The following NF1 variants were observed in gnomAD, a reference collection of about 807,000 sequenced individuals.
NF1 encodes neurofibromin 1, also known as neurofibromin.
Under a neutral mutation model 325.7 loss-of-function variants are expected in NF1, and 122 were observed. The observed-to-expected ratio is 0.37, with a 90% CI of 0.32 to 0.44. The LOEUF (loss-of-function observed/expected upper bound fraction) is 0.44, where lower values mean the gene tolerates loss of function less well. Ranked by LOEUF, NF1 falls within the 20% of genes least tolerant of loss-of-function variation. NF1 has a pLI of 1.00. For missense variants in NF1, 2,140 were observed against 3,415.4 expected (o/e 0.63, Z 9.31); for synonymous variants, 1,091 against 1,186.0 (o/e 0.92, Z 1.65).
chr17:31,342,993 T>C lies in NF1; in HGVS notation c.7063-16T>C, dbSNP rs1465170010. ...TGTGTGAACCTCATCAACCATCTCA[T>C]GATTATCTTTAATAGAGTCCAGAGG... On this transcript the variant is annotated splice_polypyrimidine_tract_variant and intron_variant, in intron 47 of 57. Transcript: ENST00000358273. 1 of 1,614,018 alleles carries C rather than the reference T, an allele frequency of 6.2e-7. No homozygotes were observed. Among genetic ancestry groups the C allele is most frequent in the Middle Eastern group, 1.7e-4 (1 of 6,060 alleles).
intron 1 of NF1, among the ~76,000 whole-genome samples, chr17:31,120,224 A>G (rs1244863782): frequency 3.3e-5 from 5 of 152,168 alleles, no homozygotes. Flanking sequence ...CATGATATCG[A>G]TTCTTCCTAT....
intron 32 of NF1, 49 bp downstream of exon 32, chr17:31,258,551 A>G (rs2151462376): frequency 1.3e-6 from 2 of 1,591,420 alleles, no homozygotes; most frequent in Non-Finnish European, 1.7e-6. Flanking sequence ...TTCCAACTAA[A>G]TTTTCAGCTT....
At chr17:31,256,447 G>T (rs938117324) in intron 31 of NF1, among the ~76,000 whole-genome samples, 26 of 152,124 alleles carry the variant, frequency 1.7e-4, no homozygotes, top group African/African-American at 6.3e-4. Flanking sequence ...CCAGAGAATT[G>T]TCTAAGATTA....
chr17:31,249,520 T>C (rs2067458387), intron 30 of NF1, among the ~76,000 whole-genome samples: 1 of 152,226 alleles, frequency 6.6e-6, no homozygotes, highest in African/African-American at 2.4e-5. Flanking sequence ...TGCTTGATCA[T>C]CTGTGATTTT....
At chr17:31,367,739 C>T (rs967685542) in intron 57 of NF1, among the ~76,000 whole-genome samples, 3 of 152,140 alleles carry the variant, frequency 2.0e-5, no homozygotes, top group African/African-American at 7.2e-5. Flanking sequence ...CGATGGCTCA[C>T]GCCTATAATC....
intron 15 of NF1, chr17:31,222,481 C>T: frequency 9.7e-7 from 1 of 1,030,050 alleles, no homozygotes; most frequent in Non-Finnish European, 1.2e-6. Flanking sequence ...ATGTGTAAAC[C>T]TCAAGTTTGC....
intron 1 of NF1, among the ~76,000 whole-genome samples, chr17:31,139,681 C>T (rs574179968): frequency 6.6e-6 from 1 of 151,970 alleles, no homozygotes; most frequent in Non-Finnish European, 1.5e-5. Context: ...GAAAATATTG[C>T]GTGGTTGGTT....
At position 31,146,607 on chromosome 17, in the gene NF1, T is replaced by C. The variant is rs73273516; in HGVS notation, c.61-9376T>C. Among the ~76,000 whole-genome samples, 1,191 of 152,346 alleles carry C rather than the reference T, an allele frequency of 7.8e-3. 21 individuals are homozygous for C. The highest frequency in any genetic ancestry group is 0.027 in the African/African-American group (1,141 of 41,586). On this transcript the variant is annotated intron_variant, in intron 1 of 57. Coordinates refer to ENST00000358273, the MANE Select transcript of NF1 (RefSeq NM_001042492.3). ...GGTTCTCTGGCTTTCAAACTTAGTTTTCAATTGGAAGTTAATCAGCTTTTT... is the reference window on the plus strand; with the variant it reads ...GGTTCTCTGGCTTTCAAACTTAGTTCTCAATTGGAAGTTAATCAGCTTTTT...
chr17:31,253,301 C>A, intron 31 of NF1: 1 of 313,978 alleles, frequency 3.2e-6, no homozygotes, highest in South Asian at 3.4e-5. Context: ...TGCAAAGAAA[C>A]TTAATTTCAA....
At chr17:31,198,559 C>T (rs993562156) in intron 8 of NF1, among the ~76,000 whole-genome samples, 2 of 151,458 alleles carry the variant, frequency 1.3e-5, no homozygotes, top group African/African-American at 4.9e-5. Flanking sequence ...TACATAGTAT[C>T]GTCTCATAAT....
Position 31,341,709 on chromosome 17 carries a change from G to A in NF1, c.7062+1064G>A, listed in dbSNP as rs530563514. Among the ~76,000 whole-genome samples, 43 of 151,650 alleles carry A rather than the reference G, an allele frequency of 2.8e-4. No homozygotes were observed. In the South Asian group the frequency reaches 2.9e-3, roughly 10 times the overall value. ...ATGGGGTGTGTGTGTGTGTGTGCAC[G>A]TGTGCATGTGTGTGTGTATATATAT... is the stretch of plus-strand genomic sequence containing the variant. On this transcript the variant is annotated intron_variant, in intron 47 of 57. Transcript: ENST00000358273.
chr17:31,181,843 TA>T, intron 7 of NF1, 58 bp downstream of exon 7: 1 of 1,166,346 alleles, frequency 8.6e-7, no homozygotes, highest in Non-Finnish European at 1.3e-6. Flanking sequence ...ACTTGTGACA[TA>T]AAAACCTATC....
At chr17:31,151,668 A>G (rs1916953493) in intron 1 of NF1, among the ~76,000 whole-genome samples, 1 of 151,832 alleles carries the variant, frequency 6.6e-6, no homozygotes, top group South Asian at 2.1e-4. Flanking sequence ...GATTACTGAT[A>G]ATACTTAATA....
intron 31 of NF1, among the ~76,000 whole-genome samples, chr17:31,255,560 A>G (rs2067569653): frequency 6.6e-6 from 1 of 152,200 alleles, no homozygotes; most frequent in African/African-American, 2.4e-5. Context: ...TACATGAGAC[A>G]GTATGTGTTC....
Position 31,325,842 on chromosome 17 carries a change from G to C in NF1, c.4858G>C (p.Gly1620Arg), listed in dbSNP as rs2151537547. ...ARRFKTGQIN[G>R]DLLIYHVLLT... ...TAGGTTCAAAACTGGTCAAATCAAT[G>C]GTGATTTGCTGATATACCATGTCTT... is the stretch of plus-strand genomic sequence containing the variant. The change falls in exon 37 of 58, where the codon GGT becomes CGT. Residue 1620 changes from glycine (G) to arginine (R), a missense_variant. This residue lies in a region of NF1 where 103 missense variants were observed against 214.6 expected (regional missense o/e 0.48). Transcript: ENST00000358273. The C allele has an allele frequency of 6.2e-7, 1 of 1,613,914 alleles. No homozygotes were observed. Among genetic ancestry groups the C allele is most frequent in the East Asian group, 2.2e-5 (1 of 44,880 alleles).
Position 31,336,458 on chromosome 17 carries a change from A to G in NF1, c.6132A>G (p.Lys2044=), listed in dbSNP as rs2151553571. The change falls in exon 41 of 58, where the codon AAA becomes AAG. Residue 2044 remains lysine (K), a synonymous_variant. Transcript: ENST00000358273. This position sits in a 1 kb window ranked among gnomAD's most constrained non-coding sequence, Gnocchi z 5.5. Reference sequence around the variant, plus strand: ...TAGCTTTGGCTTCTGGAAATGTGAAATTGGTTTCAAGCAAGGTAATCACTT... The same window carrying G: ...TAGCTTTGGCTTCTGGAAATGTGAAGTTGGTTTCAAGCAAGGTAATCACTT... ...TAVALASGNV[K]LVSSKVIGRM... The G allele has an allele frequency of 1.2e-6, 2 of 1,614,124 alleles. No individual in the cohort carries two copies. Among genetic ancestry groups the G allele is most frequent in the Non-Finnish European group, 1.7e-6 (2 of 1,180,014 alleles).
chr17:31,197,564 A>G (rs1342692037), intron 8 of NF1, among the ~76,000 whole-genome samples: 1 of 151,888 alleles, frequency 6.6e-6, no homozygotes, highest in Non-Finnish European at 1.5e-5. Context: ...TTTGGATGCT[A>G]TCGTAAGTGG....
Position 31,157,148 on chromosome 17 carries a change from G to A in NF1, c.204+1022G>A, listed in dbSNP as rs946123784. On this transcript the variant is annotated intron_variant, in intron 2 of 57. Coordinates refer to ENST00000358273, the MANE Select transcript of NF1 (RefSeq NM_001042492.3). ...ATTACAGGCATGTGCCACCATGCTC[G>A]GCTAATTTTTTTGTATTTTTAGTAG... Among the ~76,000 whole-genome samples the A allele has an allele frequency of 2.6e-5, 4 of 151,962 alleles. No homozygotes were observed. In the South Asian group the frequency reaches 6.2e-4, roughly 24 times the overall value.
intron 36 of NF1, among the ~76,000 whole-genome samples, chr17:31,297,746 C>G (rs919408744): frequency 1.3e-5 from 2 of 151,798 alleles, no homozygotes; most frequent in Non-Finnish European, 2.9e-5. Flanking sequence ...TTATGTCTTC[C>G]CCCAACATGG....
Sources: gnomAD v4.1 joint callset for allele counts (sites outside exome capture counted in the v4.1 genomes callset) on GRCh38, gnomAD v4.1.1 for gene constraint, gnomAD v4.1.1 regional missense constraint, Gnocchi (gnomAD v3.1) non-coding constraint, MANE v1.5 for transcripts, NCBI Gene and HGNC (gene_info 2026-07-23, HGNC 2026-07-21) for gene names.